Variants in LYST observed in about 807,000 individuals in gnomAD.
The protein encoded by LYST is lysosomal-trafficking regulator.
A neutral mutation model predicts 413.6 loss-of-function variants in LYST; 192 were observed. That is an observed-to-expected ratio of 0.46 (90% CI 0.41 to 0.52). LYST has a LOEUF of 0.52. LYST is among the 20% of genes least tolerant of loss of function. The probability of loss-of-function intolerance (pLI) is 0.00; values close to 1 mark genes in which losing one functional copy is unlikely to be tolerated. For synonymous variants in LYST, 1,525 were observed against 1,567.3 expected (o/e 0.97, Z 0.64); for missense variants, 3,815 against 4,499.9 (o/e 0.85, Z 4.35).
chr1:235,701,239 A>T (rs1661520217), intron 45 of LYST, among the ~76,000 whole-genome samples: 1 of 152,238 alleles, frequency 6.6e-6, no homozygotes, highest in Non-Finnish European at 1.5e-5. Flanking sequence ...CTGCTCAGAT[A>T]CAACTTTAAC....
intron 13 of LYST, 77 bp from the exon 14 acceptor site, chr1:235,787,450 A>G (rs1558244075): frequency 6.3e-6 from 7 of 1,105,718 alleles, no homozygotes; most frequent in African/African-American, 3.1e-5. Flanking sequence ...TATAGTAACT[A>G]TAATTCTAAA....
At position 235,804,555 on chromosome 1, in the gene LYST, G is replaced by C. The variant is rs1672606031; in HGVS notation, c.3504C>G (p.Ala1168=). The C allele has an allele frequency of 1.2e-6, 2 of 1,613,286 alleles. No individual in the cohort carries two copies. Among genetic ancestry groups the C allele is most frequent in the South Asian group, 2.2e-5 (2 of 91,076 alleles). The part of the protein sequence containing the change: ...KPLFDALLRV[A]LGNYSADFEH... ...CAAAATCTGCTGAATAATTCCCGAG[G>C]GCAACTCGAAGCAGGGCATCAAATA... Residue 1168 remains alanine (A), a synonymous_variant, in exon 7 of 53, where the codon GCC becomes GCG. Coordinates refer to ENST00000389793, the MANE Select transcript of LYST (RefSeq NM_000081.4).
At chr1:235,680,954 C>G (rs1049098695) in intron 48 of LYST, among the ~76,000 whole-genome samples, 4 of 152,130 alleles carry the variant, frequency 2.6e-5, no homozygotes, top group Non-Finnish European at 4.4e-5. Flanking sequence ...GCAACCCATA[C>G]ATTTATTCAT....
chr1:235,881,945 G>A lies in LYST; in HGVS notation n.454+1242C>T, dbSNP rs571596212. On this transcript the variant is annotated intron_variant and non_coding_transcript_variant, in intron 1 of 11. Coordinates refer to the LYST transcript ENST00000465349. Reference sequence around the variant, plus strand: ...AAATGTCCTGGAAATGGATAGTGGTGGTGGTTACACAAGAATGTGAATGTA... The same window carrying A: ...AAATGTCCTGGAAATGGATAGTGGTAGTGGTTACACAAGAATGTGAATGTA... Among the ~76,000 whole-genome samples, 4 of 152,142 alleles carry A rather than the reference G, an allele frequency of 2.6e-5. No individual in the cohort carries two copies. The South Asian group carries it at 6.2e-4, about 24-fold the overall frequency.
intron 3 of LYST, 39 bp from the exon 4 acceptor site, chr1:235,813,100 G>A (rs752279597): frequency 3.2e-5 from 37 of 1,155,854 alleles, no homozygotes; most frequent in African/African-American, 3.0e-5. Flanking sequence ...GTTCTAAGGC[G>A]ATAAGACACA....
Position 235,686,596 on chromosome 1 carries a change from T to G in LYST, c.10800+353A>C, listed in dbSNP as rs1660242447. Among the ~76,000 whole-genome samples the G allele has an allele frequency of 6.6e-6, 1 of 152,216 alleles. No individual in the cohort carries two copies. Among genetic ancestry groups the G allele is most frequent in the Non-Finnish European group, 1.5e-5 (1 of 68,040 alleles). ...GTTTACCCAGAGGTTATCGGAATGTTGGACATTAGGGTTTCTAAGCTTTCA... is the reference window on the plus strand; with the variant it reads ...GTTTACCCAGAGGTTATCGGAATGTGGGACATTAGGGTTTCTAAGCTTTCA... On this transcript the variant is annotated intron_variant, in intron 48 of 52. Transcript: ENST00000389793. The surrounding 1 kb of genome is among the most constrained non-coding windows in gnomAD (Gnocchi z 4.0).
Position 235,690,142 on chromosome 1 carries a change from T to C in LYST, c.10702-3095A>G, listed in dbSNP as rs1356384980. The stretch of plus-strand genomic sequence containing the variant: ...TCAATTAATACTGATGATGATTTCA[T>C]TTTTCTTCACTTTTCATTGGAAAGT... On this transcript the variant is annotated intron_variant, in intron 47 of 52. Transcript: ENST00000389793. 2.6e-5 allele frequency among the ~76,000 whole-genome samples: 4 copies of C among 152,206 alleles called. No individual in the cohort carries two copies. In the East Asian group the frequency reaches 5.8e-4, roughly 22 times the overall value.
intron 3 of LYST, 74 bp downstream of exon 3, chr1:235,830,152 G>T: frequency 8.6e-7 from 1 of 1,163,676 alleles, no homozygotes; most frequent in Non-Finnish European, 1.3e-6. Context: ...CAGAAACTAT[G>T]TAATCCAAAA....
At chr1:235,744,657 T>C (rs1665733522) in intron 29 of LYST, among the ~76,000 whole-genome samples, 1 of 151,554 alleles carries the variant, frequency 6.6e-6, no homozygotes, top group South Asian at 2.1e-4. Flanking sequence ...CCCAGCACTG[T>C]GGGAGGTGAA....
intron 28 of LYST, 118 bp downstream of exon 28, chr1:235,751,092 A>C: frequency 9.6e-7 from 1 of 1,041,734 alleles, no homozygotes. Context: ...TCAGGAAAAA[A>C]TCTTTCTTAA....
chr1:235,670,820 T>G (rs561780547), intron 50 of LYST, among the ~76,000 whole-genome samples: 5 of 152,072 alleles, frequency 3.3e-5, no homozygotes, highest in African/African-American at 1.2e-4. Context: ...AGGGAAAGGG[T>G]GCAAGAAATC....
chr1:235,823,223 G>C (rs114818239), intron 3 of LYST, among the ~76,000 whole-genome samples: 1 of 152,116 alleles, frequency 6.6e-6, no homozygotes, highest in Non-Finnish European at 1.5e-5. Flanking sequence ...CTGTCGAGTG[G>C]TTAAGATTTC....
At chr1:235,719,763 C>T (rs1237843807) in intron 40 of LYST, among the ~76,000 whole-genome samples, 1 of 151,904 alleles carries the variant, frequency 6.6e-6, no homozygotes, top group African/African-American at 2.4e-5. Flanking sequence ...TGGGAACAAA[C>T]CAAACGACGT....
rs925467491 is a variant in LYST, at chr1:235,720,580, A to G, written c.9560+81T>C. 19 of 1,430,652 alleles carry G rather than the reference A, an allele frequency of 1.3e-5. No homozygotes were observed. In the African/African-American group the frequency reaches 2.0e-4, roughly 15 times the overall value. 88.6% of individuals were successfully genotyped at this position (1,430,652 alleles called of 1,614,324 possible). A position where few individuals can be genotyped will look rare whatever the true frequency, so the allele number is the denominator to read the frequency against. Reference sequence around the variant, plus strand: ...TTCTTCTATTTTGTGCATGTTTGAAATTTTTCATAATGAAAACTTTAATAA... The same window carrying G: ...TTCTTCTATTTTGTGCATGTTTGAAGTTTTTCATAATGAAAACTTTAATAA... On this transcript the variant is annotated intron_variant, in intron 40 of 52. Transcript: ENST00000389793.
At position 235,693,466 on chromosome 1, in the gene LYST, T is replaced by G; in HGVS notation, c.10585A>C (p.Thr3529Pro). The change falls in exon 47 of 53, where the codon ACG becomes CCG. Residue 3529 changes from threonine to proline, a missense_variant. Physicochemically the swap from Thr to Pro is conservative, Grantham distance 38. Transcript: ENST00000389793. ...KEQGVRSMNS[T>P]DIQWSAILSW... is the part of the protein sequence containing the mutation. ...AGGATGGCTGACCACTGAATGTCCG[T>G]ACTGTTCATGCTTCTCACACCTCAA... is the stretch of plus-strand genomic sequence containing the variant. 4 of 1,614,000 alleles carry G rather than the reference T, an allele frequency of 2.5e-6. No homozygotes were observed. The highest frequency in any genetic ancestry group is 3.4e-6 in the Non-Finnish European group (4 of 1,179,830).
In LYST at chr1:235,800,934, T is replaced by C. The variant is rs144664809; in HGVS notation, c.3876A>G (p.Val1292=). ...TAATAATTTTCAAAAAACTCTCAAA[T>C]ACATGGGCAAGCACATCAAGTTTGG... ...SKAKLDVLAH[V]FESFLKIIRQ... The change falls in exon 9 of 53, where the codon GTA becomes GTG. Residue 1292 remains valine, a synonymous_variant. Transcript: ENST00000389793. The C allele has an allele frequency of 4.9e-5, 79 of 1,613,712 alleles. No homozygotes were observed. The highest frequency in any genetic ancestry group is 6.3e-5 in the Non-Finnish European group (74 of 1,179,880).
At chr1:235,762,133 A>T (rs1667659025) in intron 22 of LYST, among the ~76,000 whole-genome samples, 1 of 152,190 alleles carries the variant, frequency 6.6e-6, no homozygotes, top group Non-Finnish European at 1.5e-5. Context: ...TTATAAAAAA[A>T]AAAGATTCTG....
intron 10 of LYST, among the ~76,000 whole-genome samples, chr1:235,795,634 A>T (rs1209291657): frequency 4.6e-5 from 7 of 152,198 alleles, no homozygotes; most frequent in Admixed American, 2.6e-4. Context: ...GCCCCTAATC[A>T]TCCAATGGCA....
intron 45 of LYST, among the ~76,000 whole-genome samples, chr1:235,700,838 C>A (rs918502161): frequency 6.6e-5 from 10 of 152,080 alleles, no homozygotes; most frequent in African/African-American, 2.2e-4. Flanking sequence ...CAGTAATGAA[C>A]AAGACAGACA....
Sources: allele counts gnomAD v4.1 joint callset (sites outside exome capture counted in the v4.1 genomes callset), GRCh38; gene constraint gnomAD v4.1.1; non-coding constraint Gnocchi (gnomAD v3.1); transcripts MANE v1.5; gene names NCBI Gene and HGNC (gene_info 2026-07-23, HGNC 2026-07-21).